COL26A1: variants seen among roughly 807,000 people sequenced by gnomAD.
COL26A1 encodes the protein collagen type XXVI alpha 1 chain, also known as collagen alpha-1(XXVI) chain.
Under a neutral mutation model 59.3 loss-of-function variants are expected in COL26A1, and 41 were observed. That is an observed-to-expected ratio of 0.69 (90% CI 0.54 to 0.90). COL26A1 has a LOEUF of 0.90. Ranked by LOEUF, COL26A1 falls within the 40% of genes least tolerant of loss-of-function variation. COL26A1 has a pLI of 0.00. For synonymous variants in COL26A1, 266 were observed against 256.0 expected, an observed-to-expected ratio of 1.04 and a Z score of -0.37; for missense variants, 612 against 602.3, an observed-to-expected ratio of 1.02 and a Z score of -0.17.
At chr7:101,489,605 CTTTCTTTCTT>C (rs1563007116) in intron 3 of COL26A1, among the ~76,000 whole-genome samples, 1 of 28,112 alleles carries the variant, frequency 3.6e-5, no homozygotes, top group Non-Finnish European at 6.1e-5. Context: ...CTTTCTTTTT[CTTTCTTTCTT>C]TCTTTCTTTC....
intron 1 of COL26A1, among the ~76,000 whole-genome samples, chr7:101,397,916 A>C (rs951198581): frequency 6.6e-6 from 1 of 152,214 alleles, no homozygotes; most frequent in African/African-American, 2.4e-5. Flanking sequence ...ATTCAGGCCC[A>C]GAGGGAGAAC....
rs566514297 is a variant in COL26A1, at chr7:101,432,009, C to A, written c.281+11910C>A. The stretch of plus-strand genomic sequence containing the variant: ...GGAGACGAAGTTTTGCTCTCGTTGC[C>A]CAGGCTGTGAGTGCAATCTTGGCTC... On this transcript the variant is annotated intron_variant, in intron 2 of 12. Coordinates refer to ENST00000313669, the MANE Select transcript of COL26A1 (RefSeq NM_001278563.3). 8.6e-5 allele frequency among the ~76,000 whole-genome samples: 13 copies of A among 150,996 alleles called. 1 individual carries two copies. The South Asian group carries it at 2.3e-3, about 27-fold the overall frequency.
In COL26A1 at chr7:101,540,534, G is replaced by A. The variant is rs1385901253; in HGVS notation, c.604+485G>A. 2.3e-3 allele frequency among the ~76,000 whole-genome samples: 286 copies of A among 122,598 alleles called. 5 individuals are homozygous for A. The highest frequency in any genetic ancestry group is 8.2e-3 in the Admixed American group (95 of 11,588). The allele number at this position is 122,598 out of a possible 152,430, so 80.4% of individuals were successfully genotyped here. A position where few individuals can be genotyped will look rare whatever the true frequency, so the allele number is the denominator to read the frequency against. On this transcript the variant is annotated intron_variant, in intron 5 of 12. Coordinates refer to ENST00000313669, the MANE Select transcript of COL26A1 (RefSeq NM_001278563.3). ...GCCTGGGGGACAAGAGCAAAATTCC[G>A]TCTAAAAAAAAAAAAAAAAAAGTAG...
intron 3 of COL26A1, among the ~76,000 whole-genome samples, chr7:101,465,691 CAAAAA>C (rs539721605): frequency 1.3e-3 from 129 of 102,646 alleles, no homozygotes; most frequent in Middle Eastern, 5.2e-3. Flanking sequence ...GAAACTGTCT[CAAAAA>C]AAAAAAAAAA....
chr7:101,490,230 C>T (rs893559007), intron 3 of COL26A1, among the ~76,000 whole-genome samples: 12 of 151,848 alleles, frequency 7.9e-5, no homozygotes, highest in African/African-American at 2.4e-4. Context: ...GCCACCGTGC[C>T]GGGCCTTTTT....
intron 2 of COL26A1, among the ~76,000 whole-genome samples, chr7:101,423,390 AGTT>A (rs2130289907): frequency 6.6e-6 from 1 of 152,304 alleles, no homozygotes; most frequent in African/African-American, 2.4e-5. Flanking sequence ...AATGTTGCAT[AGTT>A]GTTCTCTCCT....
intron 3 of COL26A1, among the ~76,000 whole-genome samples, chr7:101,530,438 C>T (rs990219054): frequency 2.6e-5 from 4 of 151,492 alleles, no homozygotes; most frequent in South Asian, 2.1e-4. Flanking sequence ...CGTGGTGATG[C>T]GTGCCTGTAA....
intron 5 of COL26A1, among the ~76,000 whole-genome samples, chr7:101,543,754 T>C (rs527382273): frequency 1.3e-5 from 2 of 152,308 alleles, no homozygotes; most frequent in East Asian, 3.9e-4. Context: ...AGCCTCAGTT[T>C]CCCCACATTG....
intron 3 of COL26A1, among the ~76,000 whole-genome samples, chr7:101,451,858 C>G (rs1562986840): frequency 1.3e-5 from 2 of 152,020 alleles, no homozygotes; most frequent in Admixed American, 1.3e-4. Context: ...GCATCCACCA[C>G]CACACCCAGC....
intron 2 of COL26A1, among the ~76,000 whole-genome samples, chr7:101,444,141 G>C (rs1177323849): frequency 6.6e-6 from 1 of 151,906 alleles, no homozygotes; most frequent in African/African-American, 2.4e-5. Flanking sequence ...GCCTCCCAAA[G>C]TGCTAGGACT....
chr7:101,453,495 C>T (rs928455967), intron 3 of COL26A1, among the ~76,000 whole-genome samples: 5 of 152,220 alleles, frequency 3.3e-5, no homozygotes, highest in African/African-American at 9.6e-5. Context: ...TGATGAGTTC[C>T]AGCACCTCTC....
At chr7:101,363,721 C>T (rs1349852437) in intron 1 of COL26A1, among the ~76,000 whole-genome samples, 1 of 151,952 alleles carries the variant, frequency 6.6e-6, no homozygotes, top group Non-Finnish European at 1.5e-5. Context: ...CTTCCCCAAC[C>T]TTCGCCCCCT....
In COL26A1 at chr7:101,487,301, C is replaced by T. The variant is rs534268645; in HGVS notation, c.385+39514C>T. On this transcript the variant is annotated intron_variant, in intron 3 of 12. Transcript: ENST00000313669. ...GGCTAACCAGGCCGGGACTAAGATA[C>T]CCAGCTTTACCCTTTGCTCATGGCA... is the stretch of plus-strand genomic sequence containing the variant. Among the ~76,000 whole-genome samples the T allele has an allele frequency of 3.3e-5, 5 of 152,148 alleles. No homozygotes were observed. In the East Asian group the frequency reaches 7.8e-4, roughly 24 times the overall value.
intron 4 of COL26A1, among the ~76,000 whole-genome samples, chr7:101,538,626 T>C (rs1304678097): frequency 1.3e-5 from 2 of 151,780 alleles, no homozygotes; most frequent in Non-Finnish European, 2.9e-5. Context: ...CTGTGTCCCA[T>C]AGAGGGGTGG....
At chr7:101,369,541 C>T (rs1791135263) in intron 1 of COL26A1, among the ~76,000 whole-genome samples, 2 of 144,748 alleles carry the variant, frequency 1.4e-5, no homozygotes, top group Admixed American at 6.9e-5. Context: ...CTCTGCCTCC[C>T]GGGTTCAGGC....
intron 3 of COL26A1, among the ~76,000 whole-genome samples, chr7:101,495,810 A>G (rs1794573289): frequency 6.7e-6 from 1 of 148,672 alleles, no homozygotes; most frequent in Non-Finnish European, 1.5e-5. Flanking sequence ...AACGTGGCTC[A>G]AGGCCGGGCG....
intron 1 of COL26A1, among the ~76,000 whole-genome samples, chr7:101,368,640 CATG>C (rs112449226): frequency 0.023 from 3,510 of 152,180 alleles, 151 homozygotes; most frequent in African/African-American, 0.079. Flanking sequence ...CATGGAAAGG[CATG>C]GTAACTTCCG....
intron 6 of COL26A1, 83 bp downstream of exon 6, chr7:101,544,179 C>T: frequency 4.0e-6 from 4 of 999,180 alleles, no homozygotes; most frequent in Non-Finnish European, 6.1e-6. Flanking sequence ...GGCGAGGTGT[C>T]CCACGCACCC....
intron 5 of COL26A1, among the ~76,000 whole-genome samples, chr7:101,540,537 TAAAA>T (rs369850957): frequency 1.7e-5 from 2 of 119,126 alleles, no homozygotes; most frequent in Non-Finnish European, 1.7e-5. Flanking sequence ...AAATTCCGTC[TAAAA>T]AAAAAAAAAA....
Sources: allele counts gnomAD v4.1 joint callset (sites outside exome capture counted in the v4.1 genomes callset), GRCh38; gene constraint gnomAD v4.1.1; transcripts MANE v1.5; gene names NCBI Gene and HGNC (gene_info 2026-07-23, HGNC 2026-07-21).